Variants in TJP1 observed in about 807,000 individuals in gnomAD.
TJP1 encodes the protein tight junction protein ZO-1.
In TJP1, 43 loss-of-function variants were observed where a neutral mutation model predicts 194.2. That is an observed-to-expected ratio of 0.22 (90% CI 0.17 to 0.29). The LOEUF is 0.29. TJP1 is among the 10% of genes least tolerant of loss of function. The pLI is 1.00. For synonymous variants in TJP1, 801 were observed against 779.0 expected (o/e 1.03, Z -0.47); for missense variants, 1,971 against 2,185.7 (o/e 0.90, Z 1.96).
At chr15:29,944,061 C>T (rs1294813260) in intron 2 of TJP1, among the ~76,000 whole-genome samples, 1 of 151,420 alleles carries the variant, frequency 6.6e-6, no homozygotes, top group African/African-American at 2.4e-5. Context: ...AAAACAGGTA[C>T]TTGACTTTAA....
intron 2 of TJP1, among the ~76,000 whole-genome samples, chr15:29,920,912 C>T (rs568885241): frequency 8.5e-5 from 13 of 152,250 alleles, no homozygotes; most frequent in South Asian, 6.2e-4. Context: ...AGCATTCCTG[C>T]GTGAGGGAAA....
In TJP1 at chr15:29,871,422, G is replaced by C. The variant is rs1292542698; in HGVS notation, c.307-70720C>G. Among the ~76,000 whole-genome samples, 10 of 152,336 alleles carry C rather than the reference G, an allele frequency of 6.6e-5. 1 individual carries two copies. The highest frequency in any genetic ancestry group is 2.6e-4 in the Admixed American group (4 of 15,304). On this transcript the variant is annotated intron_variant, in intron 2 of 28. Transcript: ENST00000356107. ...CACCATGCCCTCGTGGGCAAAACCTGCTATGATTTGCCCGTGTAGCCCCCT... is the reference window on the plus strand; with the variant it reads ...CACCATGCCCTCGTGGGCAAAACCTCCTATGATTTGCCCGTGTAGCCCCCT...
At chr15:29,720,060 C>T in intron 19 of TJP1, 44 bp from the exon 20 acceptor site, 1 of 1,541,594 alleles carries the variant, frequency 6.5e-7, no homozygotes, top group Non-Finnish European at 8.7e-7. Context: ...TTTCTGTTTA[C>T]TGCTAACTTT....
At chr15:29,755,075 T>C (rs1408681713) in intron 8 of TJP1, among the ~76,000 whole-genome samples, 2 of 152,210 alleles carry the variant, frequency 1.3e-5, no homozygotes, top group African/African-American at 4.8e-5. Context: ...TCCCTGAAGA[T>C]TAAAATACTG....
intron 22 of TJP1, 120 bp from the exon 23 acceptor site, chr15:29,716,958 G>C (rs1408686508): frequency 2.4e-6 from 2 of 844,016 alleles, no homozygotes; most frequent in Non-Finnish European, 3.6e-6. Context: ...TGTGATTACT[G>C]AGGATCTGAG....
chr15:29,712,377 C>T (rs1340344880), intron 23 of TJP1, among the ~76,000 whole-genome samples: 1 of 152,178 alleles, frequency 6.6e-6, no homozygotes, highest in African/African-American at 2.4e-5. Context: ...CGTTCCTTTT[C>T]AAGTAGTCAT....
At chr15:29,871,607 C>T (rs963300880) in intron 2 of TJP1, among the ~76,000 whole-genome samples, 9 of 152,214 alleles carry the variant, frequency 5.9e-5, no homozygotes, top group South Asian at 2.1e-4. Flanking sequence ...ACGTAGGAGA[C>T]GGCCCCAGCT....
At position 29,700,231 on chromosome 15, in the gene TJP1, A is replaced by G. The variant is rs2041457698; in HGVS notation, c.*1364T>C. 4 of 398,990 alleles carry G rather than the reference A, an allele frequency of 1.0e-5. No homozygotes were observed. The highest frequency in any genetic ancestry group is 1.3e-4 in the South Asian group (1 of 7,854). 24.7% of individuals were successfully genotyped at this position (398,990 alleles called of 1,614,324 possible). ...GGCAAAAGAAATTCAGTCACACCTAATGATTAACAGAATGTAGTGGTGTAT... is the reference window on the plus strand; with the variant it reads ...GGCAAAAGAAATTCAGTCACACCTAGTGATTAACAGAATGTAGTGGTGTAT... On this transcript the variant is annotated 3_prime_UTR_variant, in exon 28 of 28. Coordinates refer to ENST00000614355, the MANE Select transcript of TJP1 (RefSeq NM_001330239.4).
intron 24 of TJP1, 61 bp downstream of exon 24, chr15:29,710,770 C>T (rs1203071654): frequency 1.9e-6 from 3 of 1,604,256 alleles, no homozygotes; most frequent in African/African-American, 2.7e-5. Flanking sequence ...TGCCTAGAAA[C>T]CACCAGAATT....
chr15:29,770,559 C>CA (rs1185583338), intron 4 of TJP1, among the ~76,000 whole-genome samples: 1 of 151,362 alleles, frequency 6.6e-6, no homozygotes, highest in Non-Finnish European at 1.5e-5. Context: ...ACTAAAAATA[C>CA]AAAAAAATTA....
At chr15:29,868,508 A>C (rs562054280) in intron 2 of TJP1, among the ~76,000 whole-genome samples, 14 of 152,328 alleles carry the variant, frequency 9.2e-5, no homozygotes, top group African/African-American at 3.4e-4. Flanking sequence ...TAAATGAATC[A>C]GGACTGTTGA....
At chr15:29,819,816 T>G (rs1302264005) in intron 1 of TJP1, among the ~76,000 whole-genome samples, 1 of 152,198 alleles carries the variant, frequency 6.6e-6, no homozygotes, top group African/African-American at 2.4e-5. Context: ...TCACCAATAT[T>G]TGTTATATTT....
intron 2 of TJP1, among the ~76,000 whole-genome samples, chr15:29,946,260 G>A (rs2055278606): frequency 6.6e-6 from 1 of 152,234 alleles, no homozygotes; most frequent in Admixed American, 6.5e-5. Flanking sequence ...CAGAATGAAT[G>A]AAAGGAATAT....
chr15:29,772,703 T>C (rs45520636), intron 3 of TJP1, among the ~76,000 whole-genome samples: 1 of 152,342 alleles, frequency 6.6e-6, no homozygotes, highest in East Asian at 1.9e-4. Context: ...TCACTATTTT[T>C]ACAGTTACAC....
intron 2 of TJP1, among the ~76,000 whole-genome samples, chr15:29,937,663 G>A (rs1438844009): frequency 1.3e-5 from 2 of 152,180 alleles, no homozygotes; most frequent in African/African-American, 4.8e-5. Flanking sequence ...GATATGCAGT[G>A]ACATGCAGAG....
chr15:29,720,182 T>C, intron 19 of TJP1, 166 bp from the exon 20 acceptor site: 1 of 1,138,684 alleles, frequency 8.8e-7, no homozygotes, highest in South Asian at 1.7e-5. Context: ...AGTACATTGC[T>C]GTGTTAAGAC....
At chr15:29,781,053 T>C (rs916331370) in intron 2 of TJP1, among the ~76,000 whole-genome samples, 9 of 152,034 alleles carry the variant, frequency 5.9e-5, no homozygotes, top group East Asian at 1.9e-4. Context: ...AATTCAGGAA[T>C]TGTATTTTTG....
intron 1 of TJP1, among the ~76,000 whole-genome samples, chr15:29,812,963 A>G (rs2049632287): frequency 6.6e-6 from 1 of 152,144 alleles, no homozygotes. Flanking sequence ...TTAACACTCC[A>G]GTAAGTATTA....
chr15:29,703,831 T>TTTA, intron 27 of TJP1, among the ~76,000 whole-genome samples: 1 of 151,908 alleles, frequency 6.6e-6, no homozygotes, highest in Non-Finnish European at 1.5e-5. Flanking sequence ...TTAGTAGAGA[T>TTTA]GGGGTTTCAC....
Sources: allele counts gnomAD v4.1 joint callset (sites outside exome capture counted in the v4.1 genomes callset), GRCh38; gene constraint gnomAD v4.1.1; transcripts MANE v1.5; gene names NCBI Gene and HGNC (gene_info 2026-07-23, HGNC 2026-07-21).